Variants in CFAP276 observed in about 807,000 individuals in gnomAD.
The protein encoded by CFAP276 is cilia and flagella associated protein 276.
At chr1:109,106,198 C>G in the CFAP276 span, 11 of 1,018,290 alleles carry the variant, frequency 1.1e-5, no homozygotes, top group South Asian at 1.4e-4. Context: ...TGTGGAGAAG[C>G]TTCTCATAAC....
the CFAP276 span, among the ~76,000 whole-genome samples, chr1:109,113,467 A>AGAGG: frequency 2.4e-4 from 30 of 126,406 alleles, no homozygotes; most frequent in South Asian, 7.9e-4. Flanking sequence ...AGAGAGAGAG[A>AGAGG]GGCCCACGTG....
At chr1:109,113,797 C>T in the CFAP276 span, 3 of 1,159,734 alleles carry the variant, frequency 2.6e-6, no homozygotes, top group Admixed American at 5.6e-5. Context: ...GATGCTTCCA[C>T]TGTGTTCTTC....
the CFAP276 span, chr1:109,107,956 A>T: frequency 3.1e-6 from 5 of 1,613,392 alleles, no homozygotes; most frequent in Non-Finnish European, 4.2e-6. Flanking sequence ...CGCCTCATGG[A>T]AGTAATTGTG....
chr1:109,113,416 A>AGAGAGGGAGGGAGGGAGGGAGGG, the CFAP276 span, among the ~76,000 whole-genome samples: 2 of 68,040 alleles, frequency 2.9e-5, no homozygotes, highest in African/African-American at 1.7e-4. Context: ...GAGAGAGAGA[A>AGAGAGGGAGGGAGGGAGGGAGGG]AGAGAGAGAG....
At chr1:109,106,430 C>T in the CFAP276 span, 27 of 1,402,476 alleles carry the variant, frequency 1.9e-5, no homozygotes, top group Non-Finnish European at 2.6e-5. Flanking sequence ...CACAGATATC[C>T]TTCATCTTCC....
the CFAP276 span, chr1:109,106,540 G>A: frequency 0.033 from 53,696 of 1,613,634 alleles, 1,007 homozygotes; most frequent in Non-Finnish European, 0.039. Context: ...CTTACCTATG[G>A]ATCCTTGGAT....
the CFAP276 span, chr1:109,106,561 G>A: frequency 6.2e-7 from 1 of 1,614,060 alleles, no homozygotes; most frequent in Non-Finnish European, 8.5e-7. Context: ...GCTGTGGATG[G>A]ACTCCTTTTT....
the CFAP276 span, among the ~76,000 whole-genome samples, chr1:109,110,692 A>T: frequency 6.6e-6 from 1 of 152,300 alleles, no homozygotes; most frequent in South Asian, 2.1e-4. Flanking sequence ...CAACTACCAT[A>T]TGGGTACCAT....
chr1:109,113,469 G>A, the CFAP276 span, among the ~76,000 whole-genome samples: 875 of 74,862 alleles, frequency 0.012, 72 homozygotes, highest in African/African-American at 0.056. Flanking sequence ...AGAGAGAGAG[G>A]CCCACGTGCG....
the CFAP276 span, chr1:109,107,970 G>T: frequency 6.2e-7 from 1 of 1,602,376 alleles, no homozygotes; most frequent in Non-Finnish European, 8.5e-7. Context: ...AATTGTGGGG[G>T]TTGAGTTGAG....
the CFAP276 span, chr1:109,106,098 A>G: frequency 6.2e-6 from 10 of 1,609,914 alleles, no homozygotes; most frequent in Admixed American, 1.7e-4. Context: ...GTGAGGGGAC[A>G]CTGTGGAGAA....
chr1:109,110,579 C>T, the CFAP276 span, among the ~76,000 whole-genome samples: 21 of 152,332 alleles, frequency 1.4e-4, no homozygotes, highest in Middle Eastern at 3.4e-3. Context: ...TGTCTCAGCT[C>T]CACTTTCTCT....
At chr1:109,107,733 A>G in the CFAP276 span, among the ~76,000 whole-genome samples, 1 of 151,934 alleles carries the variant, frequency 6.6e-6, no homozygotes, top group African/African-American at 2.4e-5. Context: ...TTCAAAAAAA[A>G]AAATTAGCTG....
chr1:109,110,007 C>A, the CFAP276 span, among the ~76,000 whole-genome samples: 1 of 152,308 alleles, frequency 6.6e-6, no homozygotes, highest in South Asian at 2.1e-4. Context: ...CCACTTAAAC[C>A]TCGTCATCTC....
chr1:109,106,615 G>A, the CFAP276 span: 2 of 1,613,958 alleles, frequency 1.2e-6, no homozygotes, highest in Non-Finnish European at 1.7e-6. Flanking sequence ...AGTGATGGGT[G>A]GAGTGGGAGG....
the CFAP276 span, chr1:109,106,223 G>T: frequency 5.9e-6 from 5 of 847,344 alleles, no homozygotes; most frequent in South Asian, 8.8e-5. Flanking sequence ...GGGAAAACCG[G>T]CATATGGAGG....
At chr1:109,112,000 T>C in the CFAP276 span, among the ~76,000 whole-genome samples, 1 of 152,204 alleles carries the variant, frequency 6.6e-6, no homozygotes, top group African/African-American at 2.4e-5. Flanking sequence ...AGTAAATAAG[T>C]ATTGAATAAA....
At chr1:109,106,059 C>T in the CFAP276 span, 369 of 1,613,712 alleles carry the variant, frequency 2.3e-4, 2 homozygotes, top group South Asian at 1.9e-3. Context: ...ATCTTTCTTT[C>T]GGGAGTAGCC....
At chr1:109,107,809 T>G in the CFAP276 span, 1 of 814,876 alleles carries the variant, frequency 1.2e-6, no homozygotes, top group Non-Finnish European at 1.9e-6. Context: ...GCCTGGGAGG[T>G]TCAGGCTACG....
Sources: gnomAD v4.1 joint callset for allele counts (sites outside exome capture counted in the v4.1 genomes callset) on GRCh38, gnomAD v4.1.1 for gene constraint, MANE v1.5 for transcripts, NCBI Gene and HGNC (gene_info 2026-07-23, HGNC 2026-07-21) for gene names.